The following LEPR variants were observed in gnomAD, a reference collection of about 807,000 sequenced individuals.
LEPR encodes OB receptor.
Under a neutral mutation model 114.7 loss-of-function variants are expected in LEPR, and 56 were observed. The ratio of observed to expected loss-of-function variants is 0.49; its 90% confidence interval spans 0.39 to 0.61. The LOEUF is 0.61. LEPR is among the 20% of genes least tolerant of loss of function. The pLI, the probability that LEPR is intolerant of heterozygous loss-of-function variation, is 0.00. For missense variants in LEPR, 1,202 were observed against 1,352.9 expected, an observed-to-expected ratio of 0.89 and a Z score of 1.75; for synonymous variants, 443 against 461.4, an observed-to-expected ratio of 0.96 and a Z score of 0.51.
In LEPR at chr1:65,570,544, A is replaced by G; in HGVS notation, c.112A>G (p.Met38Val). ...ITPWRFKLSC[M>V]PPNSTYDYFL... ...TCCTTGGAGATTTAAGTTGTCTTGC[A>G]TGCCACCAAATTCAACCTATGACTA... Residue 38 changes from methionine to valine, a missense_variant, in exon 4 of 20, where the codon ATG becomes GTG. By Grantham distance (21) the Met-to-Val change is conservative. Transcript: ENST00000349533. 1 of 1,614,008 alleles carries G rather than the reference A, an allele frequency of 6.2e-7. No homozygotes were observed. Among genetic ancestry groups the G allele is most frequent in the Non-Finnish European group, 8.5e-7 (1 of 1,179,952 alleles).
At chr1:65,431,780 A>G in intron 2 of LEPR, 2 of 1,606,664 alleles carry the variant, frequency 1.2e-6, no homozygotes, top group Admixed American at 1.7e-5. Context: ...TAAGGATTTA[A>G]TCCTTCTTTT....
intron 8 of LEPR, among the ~76,000 whole-genome samples, chr1:65,599,406 C>T (rs150268280): frequency 2.0e-3 from 303 of 152,120 alleles, no homozygotes; most frequent in African/African-American, 7.1e-3. Flanking sequence ...GCTGGTTGTC[C>T]GATCTGTCAA....
At chr1:65,526,289 AC>A (rs1273592373) in intron 2 of LEPR, 13 of 984,936 alleles carry the variant, frequency 1.3e-5, no homozygotes, top group African/African-American at 5.2e-5. Flanking sequence ...TTTGTTTCCC[AC>A]CTCCCCCCTT....
chr1:65,473,009 C>T (rs1050285388), intron 2 of LEPR, among the ~76,000 whole-genome samples: 2 of 152,208 alleles, frequency 1.3e-5, no homozygotes, highest in African/African-American at 4.8e-5. Context: ...AAGTTTACTG[C>T]CTCACAAGGC....
intron 2 of LEPR, among the ~76,000 whole-genome samples, chr1:65,460,007 CTGT>C (rs777470011): frequency 1.3e-5 from 2 of 150,588 alleles, no homozygotes; most frequent in African/African-American, 2.4e-5. Flanking sequence ...ATAATACCTT[CTGT>C]TGTTTTGCTG....
chr1:65,439,490 G>A (rs571536028), intron 2 of LEPR, among the ~76,000 whole-genome samples: 36 of 152,300 alleles, frequency 2.4e-4, no homozygotes, highest in Admixed American at 4.6e-4. Context: ...AAATGGGCAA[G>A]ACAAATAATT....
chr1:65,539,486 T>C (rs1246214770), intron 2 of LEPR, among the ~76,000 whole-genome samples: 1 of 152,220 alleles, frequency 6.6e-6, no homozygotes, highest in Non-Finnish European at 1.5e-5. Flanking sequence ...AGCTGCCATT[T>C]ATGCTAAAGG....
At chr1:65,469,532 A>T (rs1022201117) in intron 2 of LEPR, among the ~76,000 whole-genome samples, 3 of 152,192 alleles carry the variant, frequency 2.0e-5, no homozygotes, top group Non-Finnish European at 4.4e-5. Context: ...CTCTTGAAGG[A>T]GTACAGGGCA....
chr1:65,421,241 A>T, intron 1 of LEPR: 1 of 1,380,068 alleles, frequency 7.2e-7, no homozygotes, highest in Non-Finnish European at 9.5e-7. Flanking sequence ...AAGCACCCAG[A>T]AAGACGGTGT....
chr1:65,573,213 A>ATGCC (rs1435022924), intron 5 of LEPR, among the ~76,000 whole-genome samples: 1 of 152,182 alleles, frequency 6.6e-6, no homozygotes, highest in Non-Finnish European at 1.5e-5. Flanking sequence ...ATGGAGTTAT[A>ATGCC]TGCCTGCGCA....
intron 2 of LEPR, among the ~76,000 whole-genome samples, chr1:65,431,228 C>T (rs1283721730): frequency 1.3e-5 from 2 of 152,154 alleles, no homozygotes; most frequent in African/African-American, 2.4e-5. Flanking sequence ...ATACTGCCAT[C>T]ATATTTTGTG....
chr1:65,461,645 T>C (rs1646947336), intron 2 of LEPR, among the ~76,000 whole-genome samples: 1 of 152,248 alleles, frequency 6.6e-6, no homozygotes, highest in African/African-American at 2.4e-5. Context: ...AAAAAATTTA[T>C]GTAGATACTC....
intron 5 of LEPR, among the ~76,000 whole-genome samples, chr1:65,590,301 C>A (rs561018573): frequency 1.2e-5 from 1 of 84,310 alleles, no homozygotes; most frequent in African/African-American, 4.8e-5. Context: ...GTAGCAATAT[C>A]GTGCTTTCAG....
At position 65,605,069 on chromosome 1, in the gene LEPR, A is replaced by G. The variant is rs1656725441; in HGVS notation, c.1435A>G (p.Ile479Val). The change falls in exon 11 of 20, where the codon ATT (isoleucine) becomes GTT (valine). Residue 479 changes from isoleucine (I) to valine (V), a missense_variant. Coordinates refer to ENST00000349533, the MANE Select transcript of LEPR (RefSeq NM_002303.6). ...CCTTTACTGTTCTGATATTCCATCTATTCATCCCATATCTGAGCCCAAAGA... is the reference window on the plus strand; with the variant it reads ...CCTTTACTGTTCTGATATTCCATCTGTTCATCCCATATCTGAGCCCAAAGA... Reference protein sequence around the residue: ...SSLYCSDIPSIHPISEPKDCY... With the variant: ...SSLYCSDIPSVHPISEPKDCY... The G allele has an allele frequency of 5.0e-6, 8 of 1,613,730 alleles. No homozygotes were observed. The highest frequency in any genetic ancestry group is 2.7e-5 in the African/African-American group (2 of 74,940).
intron 2 of LEPR, among the ~76,000 whole-genome samples, chr1:65,489,019 G>C (rs2100485453): frequency 6.6e-6 from 1 of 152,190 alleles, no homozygotes; most frequent in South Asian, 2.1e-4. Flanking sequence ...TTGTTCATCT[G>C]TTGATGGACA....
chr1:65,567,604 A>G, intron 3 of LEPR, among the ~76,000 whole-genome samples: 1 of 152,306 alleles, frequency 6.6e-6, no homozygotes, highest in East Asian at 1.9e-4. Context: ...ATATTAATTT[A>G]TATCTATAGA....
At chr1:65,543,930 G>C (rs568613827) in intron 2 of LEPR, among the ~76,000 whole-genome samples, 1 of 152,064 alleles carries the variant, frequency 6.6e-6, no homozygotes, top group African/African-American at 2.4e-5. Context: ...TTTTTGCTTA[G>C]GATTGTCTTG....
At chr1:65,604,378 T>G (rs1481354661) in intron 10 of LEPR, among the ~76,000 whole-genome samples, 1 of 152,196 alleles carries the variant, frequency 6.6e-6, no homozygotes, top group Non-Finnish European at 1.5e-5. Flanking sequence ...ACAGTCTCCC[T>G]CTGTCGCCCA....
chr1:65,456,755 C>T (rs539784186), intron 2 of LEPR, among the ~76,000 whole-genome samples: 6 of 152,302 alleles, frequency 3.9e-5, no homozygotes, highest in Non-Finnish European at 7.4e-5. Flanking sequence ...TCTTCATCCA[C>T]TCCAACAGTC....
Sources: allele counts gnomAD v4.1 joint callset (sites outside exome capture counted in the v4.1 genomes callset), GRCh38; gene constraint gnomAD v4.1.1; transcripts MANE v1.5; gene names NCBI Gene and HGNC (gene_info 2026-07-23, HGNC 2026-07-21).